The following PDE3A variants were observed in gnomAD, a reference collection of about 807,000 sequenced individuals.
The protein encoded by PDE3A is cGMP-inhibited 3',5'-cyclic phosphodiesterase 3A.
In PDE3A, 43 loss-of-function variants were observed where a neutral mutation model predicts 98.3. The ratio of observed to expected loss-of-function variants is 0.44; its 90% CI spans 0.34 to 0.56. The LOEUF (loss-of-function observed/expected upper bound fraction) is 0.56, where lower values mean the gene tolerates loss of function less well. Ranked by LOEUF, PDE3A falls within the 20% of genes least tolerant of loss-of-function variation. The probability of loss-of-function intolerance (pLI) is 0.01; values close to 1 mark genes in which losing one functional copy is unlikely to be tolerated. For missense variants in PDE3A, 1,427 were observed against 1,440.7 expected (o/e 0.99, Z 0.15); for synonymous variants, 663 against 567.9 (o/e 1.17, Z -2.38).
chr12:20,679,607 A>G (rs1945720020), intron 15 of PDE3A, among the ~76,000 whole-genome samples: 1 of 152,104 alleles, frequency 6.6e-6, no homozygotes, highest in Admixed American at 6.6e-5. Context: ...ATCTTTAAAT[A>G]TATCAGTCTT....
At chr12:20,371,584 AT>A in intron 1 of PDE3A, 1 of 256,790 alleles carries the variant, frequency 3.9e-6, no homozygotes, top group Non-Finnish European at 6.1e-6. Context: ...AATGGAGTTG[AT>A]TACACAGATC....
intron 2 of PDE3A, among the ~76,000 whole-genome samples, chr12:20,599,523 A>G (rs1453012666): frequency 6.6e-6 from 1 of 152,204 alleles, no homozygotes. Context: ...TGTAATTCAC[A>G]GTGTAAATAA....
At chr12:20,635,533 G>A (rs1421172723) in intron 8 of PDE3A, among the ~76,000 whole-genome samples, 6 of 149,702 alleles carry the variant, frequency 4.0e-5, no homozygotes, top group South Asian at 2.1e-4. Flanking sequence ...AGCCAAGATC[G>A]TGCCATTGCA....
chr12:20,570,614 A>T (rs1942782694), intron 2 of PDE3A, among the ~76,000 whole-genome samples: 1 of 152,110 alleles, frequency 6.6e-6, no homozygotes, highest in Admixed American at 6.6e-5. Context: ...AATAGGTTAA[A>T]TGATTGTGCA....
chr12:20,669,834 A>G (rs1479380112), intron 15 of PDE3A, among the ~76,000 whole-genome samples: 1 of 152,104 alleles, frequency 6.6e-6, no homozygotes, highest in Non-Finnish European at 1.5e-5. Context: ...GACAGGATCA[A>G]ATTCACACAT....
chr12:20,466,316 T>C (rs1429767090), intron 1 of PDE3A, among the ~76,000 whole-genome samples: 1 of 152,210 alleles, frequency 6.6e-6, no homozygotes, highest in African/African-American at 2.4e-5. Context: ...AATAATTTTT[T>C]AAAAATCCAA....
chr12:20,577,201 A>C lies in PDE3A; in HGVS notation c.1011+20491A>C, dbSNP rs557214232. Among the ~76,000 whole-genome samples, 13 of 152,276 alleles carry C rather than the reference A, an allele frequency of 8.5e-5. No homozygotes were observed. In the East Asian group the frequency reaches 2.3e-3, roughly 27 times the overall value. ...AGCTGGCTAGAGCCAAGTTACATGA[A>C]TAGGTGTGAAACAGTGGTGCTTTGG... On this transcript the variant is annotated intron_variant, in intron 2 of 15. Coordinates refer to ENST00000359062, the MANE Select transcript of PDE3A (RefSeq NM_000921.5).
chr12:20,657,536 A>G (rs1945071675), intron 15 of PDE3A, among the ~76,000 whole-genome samples: 1 of 152,236 alleles, frequency 6.6e-6, no homozygotes, highest in Non-Finnish European at 1.5e-5. Flanking sequence ...ATCCCACCTT[A>G]TAATTAAATC....
chr12:20,504,021 AG>A (rs562355247), intron 1 of PDE3A, among the ~76,000 whole-genome samples: 158 of 152,272 alleles, frequency 1.0e-3, no homozygotes, highest in African/African-American at 3.7e-3. Context: ...GAATCTAAGG[AG>A]GACTTCACGT....
intron 2 of PDE3A, among the ~76,000 whole-genome samples, chr12:20,579,935 G>T (rs984995269): frequency 1.3e-5 from 2 of 152,136 alleles, no homozygotes; most frequent in African/African-American, 4.8e-5. Flanking sequence ...AGTACCAACT[G>T]AAAGGCTGGT....
At chr12:20,471,362 G>T (rs1343718773) in intron 1 of PDE3A, among the ~76,000 whole-genome samples, 1 of 152,062 alleles carries the variant, frequency 6.6e-6, no homozygotes, top group South Asian at 2.1e-4. Flanking sequence ...TTAAATCCGG[G>T]GTAAGGTCAG....
chr12:20,616,143 A>G (rs1333179883), intron 3 of PDE3A, 87 bp from the exon 4 acceptor site: 6 of 1,228,828 alleles, frequency 4.9e-6, no homozygotes, highest in Non-Finnish European at 6.8e-6. Context: ...TTCACTTCTA[A>G]TTAAAAGCTT....
chr12:20,615,669 T>C (rs189126450), intron 3 of PDE3A, among the ~76,000 whole-genome samples: 45 of 152,162 alleles, frequency 3.0e-4, no homozygotes, highest in Non-Finnish European at 5.9e-4. Context: ...CTCTCACTCC[T>C]ATAATCACAT....
intron 2 of PDE3A, among the ~76,000 whole-genome samples, chr12:20,597,783 C>T (rs1943500871): frequency 6.6e-6 from 1 of 152,136 alleles, no homozygotes; most frequent in African/African-American, 2.4e-5. Context: ...AAGGTAGCAG[C>T]CCTGATTCAT....
Position 20,682,125 on chromosome 12 carries a change from A to G in PDE3A, c.*1854A>G, listed in dbSNP as rs1945803697. Reference sequence around the variant, plus strand: ...TGCAAAGCATGTTTTTTCACTAGTAACTTTTGCTAACTGAATGAATTCTGG... The same window carrying G: ...TGCAAAGCATGTTTTTTCACTAGTAGCTTTTGCTAACTGAATGAATTCTGG... On this transcript the variant is annotated 3_prime_UTR_variant, in exon 16 of 16. Coordinates refer to ENST00000359062, the MANE Select transcript of PDE3A (RefSeq NM_000921.5). 1 of 152,180 alleles carries G rather than the reference A, an allele frequency of 6.6e-6. No individual in the cohort carries two copies. The highest frequency in any genetic ancestry group is 1.5e-5 in the Non-Finnish European group (1 of 68,030). 9.4% of individuals were successfully genotyped at this position (152,180 alleles called of 1,614,324 possible).
Position 20,639,859 on chromosome 12 carries a change from T to G in PDE3A, c.2153T>G (p.Leu718Arg). 1 of 1,534,380 alleles carries G rather than the reference T, an allele frequency of 6.5e-7. No homozygotes were observed. The highest frequency in any genetic ancestry group is 9.0e-7 in the Non-Finnish European group (1 of 1,107,932). ...GRILSQVSYR[L>R]FEDMGLFEAF... ...CTTCTTTTACAGGTATCTTACAGAC[T>G]TTTTGAAGACATGGGCCTCTTTGAA... The change falls in exon 10 of 16, where the codon CTT becomes CGT. Residue 718 changes from leucine (L) to arginine (R), a missense_variant. By Grantham distance (102) the Leu-to-Arg change is moderately radical. This residue lies in a region of PDE3A where 273 missense variants were observed against 420.3 expected (regional missense o/e 0.65). Transcript: ENST00000359062.
chr12:20,687,876 G>A lies in PDE3A; in HGVS notation c.*7605G>A, dbSNP rs527454367. Among the ~76,000 whole-genome samples, 37 of 137,762 alleles carry A rather than the reference G, an allele frequency of 2.7e-4. No homozygotes were observed. Among genetic ancestry groups the A allele is most frequent in the Non-Finnish European group, 5.1e-4 (33 of 65,304 alleles). The allele number at this position is 137,762 out of a possible 152,430, so 90.4% of individuals were successfully genotyped here. ...TATTAAAATGTGCTCTGATTTCTGC[G>A]GGCATTTGTTCTGACCAGTCATTAC... On this transcript the variant is annotated 3_prime_UTR_variant, in exon 16 of 16. Coordinates refer to ENST00000359062, the MANE Select transcript of PDE3A (RefSeq NM_000921.5).
intron 15 of PDE3A, among the ~76,000 whole-genome samples, chr12:20,656,856 T>A (rs1223834532): frequency 1.3e-5 from 2 of 152,198 alleles, no homozygotes; most frequent in African/African-American, 4.8e-5. Flanking sequence ...GCCAGGAGAC[T>A]TAACAGGCTC....
intron 2 of PDE3A, among the ~76,000 whole-genome samples, chr12:20,579,546 C>T (rs1387621673): frequency 6.6e-6 from 1 of 152,126 alleles, no homozygotes; most frequent in East Asian, 1.9e-4. Context: ...CCATTAGGTC[C>T]TTCATCTACC....
Sources: gnomAD v4.1 joint callset for allele counts (sites outside exome capture counted in the v4.1 genomes callset) on GRCh38, gnomAD v4.1.1 for gene constraint, gnomAD v4.1.1 regional missense constraint, MANE v1.5 for transcripts, NCBI Gene and HGNC (gene_info 2026-07-23, HGNC 2026-07-21) for gene names.